The following LANCL3 variants were observed in gnomAD, a reference collection of about 807,000 sequenced individuals.
LANCL3 encodes the protein LanC like family member 3.
In LANCL3, 19 loss-of-function variants were observed where a neutral mutation model predicts 26.5. The ratio of observed to expected loss-of-function variants is 0.72; its 90% CI spans 0.50 to 1.05. The LOEUF (loss-of-function observed/expected upper bound fraction) is 1.05, where lower values mean the gene tolerates loss of function less well. Ranked by LOEUF, LANCL3 falls within the 50% of genes least tolerant of loss-of-function variation. LANCL3 has a pLI of 0.00. For missense variants in LANCL3, 318 were observed against 362.7 expected, an observed-to-expected ratio of 0.88 and a Z score of 1.00; for synonymous variants, 160 against 166.6, an observed-to-expected ratio of 0.96 and a Z score of 0.30.
In LANCL3 at chrX:37,572,006, G is replaced by C; in HGVS notation, c.136G>C (p.Gly46Arg). ...ERILQELPPL[G>R]GGAEARGATA... Reference sequence around the variant, plus strand: ...CATCCTCCAGGAGCTTCCCCCACTCGGGGGCGGCGCGGAGGCCCGAGGGGC... The same window carrying C: ...CATCCTCCAGGAGCTTCCCCCACTCCGGGGCGGCGCGGAGGCCCGAGGGGC... The change falls in exon 1 of 5, where the codon GGG becomes CGG. Residue 46 changes from glycine (G) to arginine (R), a missense_variant. By Grantham distance (125) the Gly-to-Arg change is moderately radical (BLOSUM62 -2). Transcript: ENST00000378619. 2 of 1,188,420 alleles carry C rather than the reference G, an allele frequency of 1.7e-6. No individual in the cohort carries two copies. Among genetic ancestry groups the C allele is most frequent in the Non-Finnish European group, 2.3e-6 (2 of 884,002 alleles).
At chrX:37,623,706 A>G (rs1277395562) in intron 1 of LANCL3, among the ~76,000 whole-genome samples, 1 of 111,820 alleles carries the variant, frequency 8.9e-6, no homozygotes. Flanking sequence ...AAACACATCC[A>G]AGTGTACAAA....
intron 1 of LANCL3, among the ~76,000 whole-genome samples, chrX:37,596,863 T>C (rs1924444548): frequency 8.9e-6 from 1 of 111,990 alleles, no homozygotes; most frequent in Non-Finnish European, 1.9e-5. Context: ...CCGTTTAAAA[T>C]ATACAGTTCA....
chrX:37,677,611 G>T lies in LANCL3; in HGVS notation c.*1798G>T, dbSNP rs1926848005. 8.9e-6 allele frequency: 1 copy of T among 111,786 alleles called. No individual in the cohort carries two copies. Among genetic ancestry groups the T allele is most frequent in the Non-Finnish European group, 1.9e-5 (1 of 53,072 alleles). The allele number at this position is 111,786 out of a possible 1,213,427, so 9.2% of individuals were successfully genotyped here. ...AGTTTGGGGTGATACCACATAAATA[G>T]CAGCTTTCAGATGACTCCCCACATT... On this transcript the variant is annotated 3_prime_UTR_variant, in exon 5 of 5. Coordinates refer to ENST00000378619, the MANE Select transcript of LANCL3 (RefSeq NM_001170331.2).
rs782747920 is a variant in LANCL3 at position 37,584,869 on chromosome X, G to A, written c.573+12426G>A. The stretch of plus-strand genomic sequence containing the variant: ...GAGTGTGTTTCCTCTTGCTTCTCTA[G>A]TTCTTTTAATTGTGATGTTAGGGTG... On this transcript the variant is annotated intron_variant, in intron 1 of 4. Transcript: ENST00000378619. Among the ~76,000 whole-genome samples, 5 of 111,444 alleles carry A rather than the reference G, an allele frequency of 4.5e-5. No individual in the cohort carries two copies. The East Asian group carries it at 1.4e-3, about 31-fold the overall frequency.
chrX:37,588,861 G>A lies in LANCL3; in HGVS notation c.573+16418G>A, dbSNP rs1445348833. Among the ~76,000 whole-genome samples, 24 of 111,926 alleles carry A rather than the reference G, an allele frequency of 2.1e-4. No homozygotes were observed. The Middle Eastern group carries it at 0.014, about 64-fold the overall frequency. On this transcript the variant is annotated intron_variant, in intron 1 of 4. Transcript: ENST00000378619. The stretch of plus-strand genomic sequence containing the variant: ...ACAAATATTGGTTATGGCATTATGC[G>A]CAGTTAGCTGTTACTGTGCCCATCT...
At chrX:37,633,839 G>T (rs1430938185) in intron 1 of LANCL3, among the ~76,000 whole-genome samples, 1 of 112,016 alleles carries the variant, frequency 8.9e-6, no homozygotes, top group Admixed American at 9.4e-5. Context: ...GTCTGCCCCT[G>T]CTGGGGGGGT....
chrX:37,663,892 G>T (rs1718884168), intron 3 of LANCL3, among the ~76,000 whole-genome samples: 2 of 111,697 alleles, frequency 1.8e-5, no homozygotes, highest in South Asian at 7.6e-4. Flanking sequence ...CCAAAGAGGA[G>T]CATGTCTTAC....
chrX:37,587,431 C>A (rs551512044), intron 1 of LANCL3, among the ~76,000 whole-genome samples: 2 of 112,873 alleles, frequency 1.8e-5, no homozygotes, highest in Admixed American at 9.3e-5. Flanking sequence ...CCTTGAGCTG[C>A]GGTGGGCTCC....
intron 3 of LANCL3, among the ~76,000 whole-genome samples, chrX:37,665,581 T>C (rs1556433729): frequency 1.8e-5 from 2 of 112,345 alleles, no homozygotes; most frequent in Non-Finnish European, 3.8e-5. Context: ...TATGTATCAG[T>C]CATATGCATA....
At chrX:37,632,235 G>A (rs1377127518) in intron 1 of LANCL3, among the ~76,000 whole-genome samples, 1 of 111,680 alleles carries the variant, frequency 9.0e-6, no homozygotes, top group Non-Finnish European at 1.9e-5. Context: ...TTTGATCTTT[G>A]TTGGTTTAAA....
In LANCL3 at chrX:37,679,880, T is replaced by C. The variant is rs1194121762; in HGVS notation, c.*4067T>C. 9.0e-6 allele frequency: 1 copy of C among 111,344 alleles called. No individual in the cohort carries two copies. The highest frequency in any genetic ancestry group is 9.5e-5 in the Admixed American group (1 of 10,510). The allele number at this position is 111,344 out of a possible 1,213,427, so 9.2% of individuals were successfully genotyped here. On this transcript the variant is annotated 3_prime_UTR_variant, in exon 5 of 5. Transcript: ENST00000378619. The stretch of plus-strand genomic sequence containing the variant: ...TTAACACTATAAAGAACCAGTCCAT[T>C]CTTACCCATGAGTTTTATTGCTTTC...
At position 37,594,334 on chromosome X, in the gene LANCL3, C is replaced by T. The variant is rs138350634; in HGVS notation, c.573+21891C>T. On this transcript the variant is annotated intron_variant, in intron 1 of 4. Coordinates refer to ENST00000378619, the MANE Select transcript of LANCL3 (RefSeq NM_001170331.2). ...GTCCTATTTAATTCTTGCAATATCTCCTCAAGTTGGATATTATTACCACAT... is the reference window on the plus strand; with the variant it reads ...GTCCTATTTAATTCTTGCAATATCTTCTCAAGTTGGATATTATTACCACAT... Among the ~76,000 whole-genome samples the T allele has an allele frequency of 5.5e-3, 611 of 112,053 alleles. 3 individuals carry two copies. The highest frequency in any genetic ancestry group is 8.6e-3 in the Non-Finnish European group (455 of 53,114).
Position 37,682,283 on chromosome X carries a change from T to C in LANCL3, c.*6470T>C, listed in dbSNP as rs1208786711. The C allele has an allele frequency of 9.2e-6, 1 of 108,641 alleles. No individual in the cohort carries two copies. Among genetic ancestry groups the C allele is most frequent in the Non-Finnish European group, 1.9e-5 (1 of 52,185 alleles). 9.0% of individuals were successfully genotyped at this position (108,641 alleles called of 1,213,427 possible). A position where few individuals can be genotyped will look rare whatever the true frequency, so the allele number is the denominator to read the frequency against. On this transcript the variant is annotated 3_prime_UTR_variant, in exon 5 of 5. Coordinates refer to ENST00000378619, the MANE Select transcript of LANCL3 (RefSeq NM_001170331.2). ...ACGCCCGGCTAATTTTTTGTATTTT[T>C]AGTAGAGACGGGGTTTCACCGTTTT... is the stretch of plus-strand genomic sequence containing the variant.
At chrX:37,615,564 CAGAT>C (rs1556421617) in intron 1 of LANCL3, among the ~76,000 whole-genome samples, 1 of 111,955 alleles carries the variant, frequency 8.9e-6, no homozygotes, top group African/African-American at 3.2e-5. Context: ...CTGGGTCTAA[CAGAT>C]GGCTATTATA....
intron 1 of LANCL3, among the ~76,000 whole-genome samples, chrX:37,591,141 G>A (rs1924260404): frequency 9.0e-6 from 1 of 111,646 alleles, no homozygotes; most frequent in African/African-American, 3.3e-5. Context: ...ACTTAGAGAG[G>A]TTTAGTAACT....
chrX:37,630,551 A>C (rs1268077851), intron 1 of LANCL3, among the ~76,000 whole-genome samples: 4 of 107,912 alleles, frequency 3.7e-5, no homozygotes, highest in Non-Finnish European at 7.7e-5. Context: ...GAATGCTTCC[A>C]GTTTTTGCCC....
intron 1 of LANCL3, among the ~76,000 whole-genome samples, chrX:37,638,701 T>C (rs782060076): frequency 1.8e-5 from 2 of 111,860 alleles, no homozygotes; most frequent in South Asian, 3.8e-4. Context: ...GTGAATTAAC[T>C]GTGCATTTCA....
chrX:37,598,044 A>T (rs1924485063), intron 1 of LANCL3, among the ~76,000 whole-genome samples: 1 of 110,771 alleles, frequency 9.0e-6, no homozygotes, highest in Non-Finnish European at 1.9e-5. Flanking sequence ...AGAGTTCTTT[A>T]TATATTCTGG....
intron 4 of LANCL3, chrX:37,668,595 A>G: frequency 5.1e-6 from 1 of 194,265 alleles, no homozygotes. Context: ...CATAACCATG[A>G]ATGGTTACAA....
Sources: gnomAD v4.1 joint callset for allele counts (sites outside exome capture counted in the v4.1 genomes callset) on GRCh38, gnomAD v4.1.1 for gene constraint, MANE v1.5 for transcripts, NCBI Gene and HGNC (gene_info 2026-07-23, HGNC 2026-07-21) for gene names.